Variants in CSE1L observed in about 807,000 individuals in gnomAD.
The protein encoded by CSE1L is chromosome segregation 1 like.
In CSE1L, 24 loss-of-function variants were observed where a neutral mutation model predicts 120.4. That is an observed-to-expected ratio of 0.20 (90% CI 0.14 to 0.28). The LOEUF (loss-of-function observed/expected upper bound fraction) is 0.28, where lower values mean the gene tolerates loss of function less well. CSE1L is among the 10% of genes least tolerant of loss of function. The probability of loss-of-function intolerance (pLI) is 1.00; values close to 1 mark genes in which losing one functional copy is unlikely to be tolerated. For synonymous variants in CSE1L, 402 were observed against 398.3 expected (o/e 1.01, Z -0.11); for missense variants, 830 against 1,145.2 (o/e 0.72, Z 3.97).
In CSE1L at chr20:49,075,434, G is replaced by A. The variant is rs754442648; in HGVS notation, c.1249G>A (p.Ala417Thr). 2.0e-5 allele frequency: 32 copies of A among 1,614,024 alleles called. No individual in the cohort carries two copies. The East Asian group carries it at 4.2e-4, about 21-fold the overall frequency. Residue 417 changes from alanine (A) to threonine (T), a missense_variant, in exon 12 of 25, where the codon GCA (alanine) becomes ACA (threonine). By Grantham distance (58) the Ala-to-Thr change is moderately conservative. This residue lies in a region of CSE1L where 543 missense variants were observed against 640.2 expected (regional missense o/e 0.85). Transcript: ENST00000262982. ...GYVNSMLQEYAKNPSVNWKHK... is the reference protein window; with the variant it reads ...GYVNSMLQEYTKNPSVNWKHK... The stretch of plus-strand genomic sequence containing the variant: ...TGTTAATTCCATGCTGCAGGAATAC[G>A]CAAAAAATCCATCTGTCAACTGGAA...
intron 1 of CSE1L, among the ~76,000 whole-genome samples, chr20:49,052,580 C>A (rs1209962152): frequency 6.6e-6 from 1 of 152,060 alleles, no homozygotes; most frequent in Non-Finnish European, 1.5e-5. Context: ...TCAGTAGATA[C>A]CAGATTGCTT....
chr20:49,076,958 A>G (rs1417213131), intron 12 of CSE1L, 22 bp from the exon 13 acceptor site: 4 of 1,500,618 alleles, frequency 2.7e-6, no homozygotes, highest in Non-Finnish European at 3.6e-6. Context: ...TTATTTTACT[A>G]TGTTATGAAT....
chr20:49,077,832 C>T (rs949336915), intron 13 of CSE1L, among the ~76,000 whole-genome samples: 1 of 152,026 alleles, frequency 6.6e-6, no homozygotes, highest in Non-Finnish European at 1.5e-5. Context: ...GGTGAAACCC[C>T]GTCTCTACTA....
chr20:49,051,478 G>T (rs1388665789), intron 1 of CSE1L, among the ~76,000 whole-genome samples: 1 of 152,224 alleles, frequency 6.6e-6, no homozygotes. Context: ...GGGAGGCGGG[G>T]ACTGCGGTGA....
Position 49,078,553 on chromosome 20 carries a change from TTA to T in CSE1L, c.1421-3_1421-2del. ...TAAGTAACTGTGGCTTTCTGTTTTT[TTA>T]TATAGTGAATGAATTTCCTGTCCTT... On this transcript the variant is annotated splice_region_variant and splice_polypyrimidine_tract_variant and intron_variant, in intron 13 of 24. Coordinates refer to ENST00000262982, the MANE Select transcript of CSE1L (RefSeq NM_001316.4). 1 of 1,564,114 alleles carries T rather than the reference TTA, an allele frequency of 6.4e-7. No individual in the cohort carries two copies. Among genetic ancestry groups the T allele is most frequent in the Non-Finnish European group, 8.7e-7 (1 of 1,151,830 alleles).
At chr20:49,056,270 T>C (rs1001733426) in intron 1 of CSE1L, among the ~76,000 whole-genome samples, 1 of 152,040 alleles carries the variant, frequency 6.6e-6, no homozygotes, top group South Asian at 2.1e-4. Context: ...CATGCCCGGC[T>C]GATTTTGTAT....
chr20:49,064,937 T>C (rs996950940), intron 3 of CSE1L, among the ~76,000 whole-genome samples: 1 of 151,472 alleles, frequency 6.6e-6, no homozygotes. Context: ...GGAGGATTGC[T>C]TGAGGCCAGG....
chr20:49,071,122 T>C (rs897099727), intron 8 of CSE1L, among the ~76,000 whole-genome samples: 1 of 152,224 alleles, frequency 6.6e-6, no homozygotes, highest in Non-Finnish European at 1.5e-5. Flanking sequence ...AGACAAAATA[T>C]TAAAAATATT....
chr20:49,056,886 T>C (rs995796056), intron 1 of CSE1L, among the ~76,000 whole-genome samples: 6 of 144,596 alleles, frequency 4.1e-5, no homozygotes, highest in Non-Finnish European at 7.6e-5. Flanking sequence ...TGTGTGTGTG[T>C]GGTGAAAGCA....
At chr20:49,059,923 G>A (rs915784982) in intron 2 of CSE1L, among the ~76,000 whole-genome samples, 1 of 151,788 alleles carries the variant, frequency 6.6e-6, no homozygotes, top group African/African-American at 2.4e-5. Context: ...TGGTGGTCAC[G>A]CCTTTAATCC....
intron 16 of CSE1L, among the ~76,000 whole-genome samples, 176 bp downstream of exon 16, chr20:49,085,562 A>ATTTTTTTT (rs11471947): frequency 0.034 from 2,744 of 80,072 alleles, 587 homozygotes; most frequent in African/African-American, 0.046. Flanking sequence ...ACTAACAATA[A>ATTTTTTTT]TTTTTTTTTT....
At chr20:49,047,936 T>C (rs1239913196) in intron 1 of CSE1L, among the ~76,000 whole-genome samples, 1 of 152,152 alleles carries the variant, frequency 6.6e-6, no homozygotes, top group East Asian at 1.9e-4. Context: ...GTAAGCTGTT[T>C]GAGAGCAAGG....
At chr20:49,062,843 A>G (rs1297346452) in intron 2 of CSE1L, among the ~76,000 whole-genome samples, 2 of 151,958 alleles carry the variant, frequency 1.3e-5, no homozygotes, top group Non-Finnish European at 2.9e-5. Context: ...TACTACTAAT[A>G]GTACTAATAA....
chr20:49,060,064 AT>A (rs2091839835), intron 2 of CSE1L, among the ~76,000 whole-genome samples: 1 of 151,766 alleles, frequency 6.6e-6, no homozygotes, highest in Admixed American at 6.6e-5. Flanking sequence ...GTGTGCCTGT[AT>A]TCCTAGCAAC....
chr20:49,064,808 A>C (rs2091878497), intron 3 of CSE1L, among the ~76,000 whole-genome samples: 1 of 150,690 alleles, frequency 6.6e-6, no homozygotes, highest in South Asian at 2.1e-4. Flanking sequence ...ACTTAACAGA[A>C]TCTCTTTGGG....
chr20:49,065,017 T>G (rs968407464), intron 3 of CSE1L, among the ~76,000 whole-genome samples: 4 of 151,088 alleles, frequency 2.6e-5, no homozygotes, highest in Non-Finnish European at 4.4e-5. Context: ...ATTAGCCAGG[T>G]GTGGTCGTGT....
At chr20:49,089,426 A>G in intron 18 of CSE1L, 29 bp downstream of exon 18, 1 of 1,607,634 alleles carries the variant, frequency 6.2e-7, no homozygotes, top group South Asian at 1.1e-5. Flanking sequence ...TTTTCTTTGT[A>G]ATGGAATAAA....
chr20:49,084,239 C>T (rs1280858162), intron 15 of CSE1L, 77 bp downstream of exon 15: 3 of 1,360,606 alleles, frequency 2.2e-6, no homozygotes, highest in African/African-American at 2.9e-5. Context: ...TGAATGTTTT[C>T]ATAATTTCAC....
chr20:49,087,941 C>T (rs1051119255), intron 16 of CSE1L, 68 bp from the exon 17 acceptor site: 3 of 1,058,426 alleles, frequency 2.8e-6, no homozygotes, highest in Non-Finnish European at 4.2e-6. Flanking sequence ...CTTTTTTCCC[C>T]CCAGTCGCTC....
Sources: allele counts gnomAD v4.1 joint callset (sites outside exome capture counted in the v4.1 genomes callset), GRCh38; gene constraint gnomAD v4.1.1; regional missense constraint gnomAD v4.1.1; transcripts MANE v1.5; gene names NCBI Gene and HGNC (gene_info 2026-07-23, HGNC 2026-07-21).